The following TEKT3 variants were observed in gnomAD, a reference collection of about 807,000 sequenced individuals.
TEKT3 encodes tektin 3.
TEKT3 carries 49 observed loss-of-function variants against 49.8 expected under a neutral mutation model. That is an observed-to-expected ratio of 0.98 (90% CI 0.78 to 1.25). The LOEUF is 1.25. Among genes scored for constraint, TEKT3 ranks in the 50% most tolerant of loss-of-function variants. The probability of loss-of-function intolerance (pLI) is 0.00; values close to 1 mark genes in which losing one functional copy is unlikely to be tolerated. For missense variants in TEKT3, 595 were observed against 629.5 expected, an observed-to-expected ratio of 0.95 and a Z score of 0.59; for synonymous variants, 225 against 237.2, an observed-to-expected ratio of 0.95 and a Z score of 0.47.
In TEKT3 at chr17:15,331,428, C is replaced by T. The variant is rs765220357; in HGVS notation, c.158G>A (p.Ser53Asn). 6.2e-7 allele frequency: 1 copy of T among 1,614,056 alleles called. No individual in the cohort carries two copies. The highest frequency in any genetic ancestry group is 1.7e-5 in the Admixed American group (1 of 60,004). The change falls in exon 3 of 9, where the codon AGC becomes AAC. Residue 53 changes from serine (S) to asparagine (N), a missense_variant. Transcript: ENST00000395930. ...THSLSLPWRP[S>N]TYYKVASNSP... ...ATTGGAGGCGACTTTGTAGTATGTG[C>T]TGGGTCTCCAAGGAAGGCTCAGGCT...
rs1317024059 is a variant in TEKT3, at chr17:15,303,929, G to C, written c.*7C>G. 2.5e-6 allele frequency: 4 copies of C among 1,613,512 alleles called. No individual in the cohort carries two copies. The East Asian group carries it at 6.7e-5, about 27-fold the overall frequency. Reference sequence around the variant, plus strand: ...TAGGGGTATCAAAACCACACCCGGTGGGGTCCCTAGCAGAAGCCGACCAGC... The same window carrying C: ...TAGGGGTATCAAAACCACACCCGGTCGGGTCCCTAGCAGAAGCCGACCAGC... On this transcript the variant is annotated 3_prime_UTR_variant, in exon 9 of 9. Transcript: ENST00000395930.
In TEKT3 at chr17:15,303,884, G is replaced by A; in HGVS notation, c.*52C>T. 1 of 1,526,134 alleles carries A rather than the reference G, an allele frequency of 6.6e-7. No homozygotes were observed. Among genetic ancestry groups the A allele is most frequent in the Non-Finnish European group, 9.1e-7 (1 of 1,101,918 alleles). The allele number at this position is 1,526,134 out of a possible 1,614,324, so 94.5% of individuals were successfully genotyped here. On this transcript the variant is annotated 3_prime_UTR_variant, in exon 9 of 9. Transcript: ENST00000395930. ...CATTCGGTTCAAATGCTGAGACAGT[G>A]CTCTGGCTCAGCCTTAACTTAGGGG...
chr17:15,306,560 A>G (rs1910560776), intron 8 of TEKT3, among the ~76,000 whole-genome samples: 1 of 47,002 alleles, frequency 2.1e-5, no homozygotes, highest in Non-Finnish European at 5.6e-5. Context: ...AGGAATAGGA[A>G]AAAAAAAAAA....
chr17:15,331,762 C>T (rs1911763720), intron 2 of TEKT3, 148 bp from the exon 3 acceptor site: 1 of 609,816 alleles, frequency 1.6e-6, no homozygotes, highest in African/African-American at 1.8e-5. Flanking sequence ...CCACATTCAC[C>T]ATTGATAATA....
rs200607456 is a variant in TEKT3, at chr17:15,303,981, C to T, written c.1428G>A (p.Met476Ile). ...GGAGGGTGTTGGGGTAGCTCTTGCG[C>T]ATGCTCATGCATTTTTCCTGGTCGA... ...LYIDQEKCMSMRKSYPNTLRL... is the reference protein window; with the variant it reads ...LYIDQEKCMSIRKSYPNTLRL... Residue 476 changes from methionine to isoleucine, a missense_variant, in exon 9 of 9, where the codon ATG becomes ATA. By Grantham distance (10) the Met-to-Ile change is conservative (BLOSUM62 1). Transcript: ENST00000395930. 1.9e-5 allele frequency: 30 copies of T among 1,614,038 alleles called. No individual in the cohort carries two copies. The highest frequency in any genetic ancestry group is 2.1e-5 in the Non-Finnish European group (25 of 1,180,050).
At chr17:15,335,982 T>C (rs906842044) in intron 2 of TEKT3, among the ~76,000 whole-genome samples, 1 of 152,100 alleles carries the variant, frequency 6.6e-6, no homozygotes, top group African/African-American at 2.4e-5. Context: ...TATTAAGGTT[T>C]TGCAGTGCCA....
intron 4 of TEKT3, among the ~76,000 whole-genome samples, chr17:15,321,858 A>G (rs966084196): frequency 6.6e-6 from 1 of 152,148 alleles, no homozygotes; most frequent in Non-Finnish European, 1.5e-5. Flanking sequence ...GCATCCTACT[A>G]TTTGAGCGGC....
At chr17:15,311,511 T>C (rs1311698657) in intron 7 of TEKT3, 1 of 152,202 alleles carries the variant, frequency 6.6e-6, no homozygotes, top group Non-Finnish European at 1.5e-5. Context: ...ATATTGAATG[T>C]TTCCAATCCA....
upstream of TEKT3, among the ~76,000 whole-genome samples, chr17:15,343,023 G>A (rs541063010): frequency 3.3e-5 from 5 of 152,180 alleles, no homozygotes; most frequent in East Asian, 1.9e-4. Context: ...CCTAGAATCC[G>A]TAGACAATGC....
intron 5 of TEKT3, among the ~76,000 whole-genome samples, chr17:15,318,695 G>A (rs1028378831): frequency 1.3e-5 from 2 of 152,040 alleles, no homozygotes; most frequent in Admixed American, 1.3e-4. Context: ...CCGCCACCAT[G>A]CCTGGCTAAT....
At chr17:15,308,205 C>T (rs897929600) in intron 8 of TEKT3, among the ~76,000 whole-genome samples, 8 of 152,282 alleles carry the variant, frequency 5.3e-5, no homozygotes, top group Non-Finnish European at 7.3e-5. Context: ...CTGAGAAATA[C>T]ACAGAAAGTC....
In TEKT3 at chr17:15,312,233, A is replaced by AG. The variant is rs1283663453; in HGVS notation, c.1101+25dup. On this transcript the variant is annotated intron_variant, in intron 7 of 8. Transcript: ENST00000395930. ...CACACCGCTCTGTCCAGGTCAGCTA[A>AG]GGGGTACCACTGGCGGTTGATTTAC... 4 of 1,609,858 alleles carry AG rather than the reference A, an allele frequency of 2.5e-6. No homozygotes were observed. In the East Asian group the frequency reaches 8.9e-5, roughly 36 times the overall value.
At chr17:15,309,074 G>A (rs1910663292) in intron 7 of TEKT3, among the ~76,000 whole-genome samples, 1 of 152,144 alleles carries the variant, frequency 6.6e-6, no homozygotes, top group African/African-American at 2.4e-5. Context: ...CCTCATTTTG[G>A]TAGCTGGAAA....
At chr17:15,305,565 G>A (rs983610456) in intron 8 of TEKT3, among the ~76,000 whole-genome samples, 40 of 152,162 alleles carry the variant, frequency 2.6e-4, no homozygotes, top group Non-Finnish European at 5.1e-4. Flanking sequence ...GGCTGCCGCA[G>A]ATGGCTGGTA....
intron 3 of TEKT3, among the ~76,000 whole-genome samples, chr17:15,329,002 A>C (rs1370662826): frequency 6.6e-6 from 1 of 152,168 alleles, no homozygotes; most frequent in Non-Finnish European, 1.5e-5. Flanking sequence ...CCAGAAGAAG[A>C]ATTAACGGGT....
At chr17:15,320,464 ATATCAAATC>A (rs1161432267) in intron 4 of TEKT3, among the ~76,000 whole-genome samples, 2 of 152,120 alleles carry the variant, frequency 1.3e-5, no homozygotes, top group Non-Finnish European at 2.9e-5. Context: ...GATTTCTATG[ATATCAAATC>A]TATCAAATAT....
At chr17:15,322,373 T>A (rs1225496362) in intron 4 of TEKT3, among the ~76,000 whole-genome samples, 1 of 152,208 alleles carries the variant, frequency 6.6e-6, no homozygotes, top group Non-Finnish European at 1.5e-5. Flanking sequence ...ATTGGGTAGA[T>A]AATTATGTGC....
chr17:15,306,099 G>A (rs372238768), intron 8 of TEKT3, among the ~76,000 whole-genome samples: 9,875 of 90,356 alleles, frequency 0.11, 717 homozygotes, highest in African/African-American at 0.24. Context: ...ATGTGTGTGT[G>A]TGTGTGTGTG....
upstream of TEKT3, among the ~76,000 whole-genome samples, chr17:15,343,605 G>T (rs536060670): frequency 6.6e-6 from 1 of 152,302 alleles, no homozygotes; most frequent in Non-Finnish European, 1.5e-5. Flanking sequence ...CATGAAAGAG[G>T]GACTCAGTCA....
Sources: allele counts gnomAD v4.1 joint callset (sites outside exome capture counted in the v4.1 genomes callset), GRCh38; gene constraint gnomAD v4.1.1; transcripts MANE v1.5; gene names NCBI Gene and HGNC (gene_info 2026-07-23, HGNC 2026-07-21).